Variants in RIMS2 observed in about 807,000 individuals in gnomAD.
RIMS2 encodes regulating synaptic membrane exocytosis protein 2.
A neutral mutation model predicts 174.4 loss-of-function variants in RIMS2; 59 were observed. The ratio of observed to expected loss-of-function variants is 0.34; its 90% confidence interval spans 0.27 to 0.42. The LOEUF is 0.42. Ranked by LOEUF, RIMS2 falls within the 10% of genes least tolerant of loss-of-function variation. The pLI is 1.00. For synonymous variants in RIMS2, 606 were observed against 572.5 expected, an observed-to-expected ratio of 1.06 and a Z score of -0.84; for missense variants, 1,620 against 1,666.3, an observed-to-expected ratio of 0.97 and a Z score of 0.48.
At chr8:104,139,621 A>G (rs1243344067) in intron 19 of RIMS2, among the ~76,000 whole-genome samples, 1 of 152,190 alleles carries the variant, frequency 6.6e-6, no homozygotes, top group Non-Finnish European at 1.5e-5. Context: ...ATGTCCTGCA[A>G]CTTTCCTGAA....
At chr8:104,219,227 T>C (rs1001767645) in intron 19 of RIMS2, among the ~76,000 whole-genome samples, 1 of 152,218 alleles carries the variant, frequency 6.6e-6, no homozygotes, top group African/African-American at 2.4e-5. Flanking sequence ...TACAGATGCA[T>C]TGTCGACATT....
At chr8:103,846,461 T>A (rs1333654675) in intron 3 of RIMS2, among the ~76,000 whole-genome samples, 1 of 152,118 alleles carries the variant, frequency 6.6e-6, no homozygotes, top group Non-Finnish European at 1.5e-5. Flanking sequence ...CTCAGTTTTT[T>A]CTCTTATCTA....
At chr8:103,518,730 T>A (rs538618841) in intron 1 of RIMS2, among the ~76,000 whole-genome samples, 3 of 152,074 alleles carry the variant, frequency 2.0e-5, no homozygotes, top group South Asian at 2.1e-4. Flanking sequence ...GGGCCTGTTA[T>A]GATATGTTAA....
At chr8:103,747,201 C>T (rs1317467253) in intron 2 of RIMS2, among the ~76,000 whole-genome samples, 1 of 150,990 alleles carries the variant, frequency 6.6e-6, no homozygotes, top group Non-Finnish European at 1.5e-5. Context: ...ACTAACTCGT[C>T]ATCTAGCATT....
At chr8:103,519,670 T>G (rs1830667884) in intron 1 of RIMS2, among the ~76,000 whole-genome samples, 1 of 152,066 alleles carries the variant, frequency 6.6e-6, no homozygotes, top group African/African-American at 2.4e-5. Context: ...TTTAGAATTC[T>G]TGATTTCTGG....
At chr8:104,063,475 T>A (rs1218901522) in intron 19 of RIMS2, among the ~76,000 whole-genome samples, 1 of 152,178 alleles carries the variant, frequency 6.6e-6, no homozygotes, top group Non-Finnish European at 1.5e-5. Flanking sequence ...AAGATTTTTT[T>A]AACCTGAGGT....
chr8:103,894,542 C>T (rs1050286241), intron 4 of RIMS2, among the ~76,000 whole-genome samples: 3 of 151,288 alleles, frequency 2.0e-5, no homozygotes, highest in South Asian at 2.1e-4. Flanking sequence ...GTTTATCAAT[C>T]GATATCAGTG....
chr8:103,902,159 T>TC (rs1010597143), intron 4 of RIMS2, among the ~76,000 whole-genome samples: 2 of 152,090 alleles, frequency 1.3e-5, no homozygotes, highest in African/African-American at 4.8e-5. Flanking sequence ...TGCCATCAGC[T>TC]CCCCCACATC....
At chr8:103,515,946 TTTAG>T (rs776507610) in intron 1 of RIMS2, among the ~76,000 whole-genome samples, 19 of 152,202 alleles carry the variant, frequency 1.2e-4, no homozygotes, top group Middle Eastern at 3.4e-3. Context: ...CAGTGAAAAC[TTTAG>T]TTAGTAATTT....
At chr8:104,036,293 G>C (rs1260112484) in intron 19 of RIMS2, among the ~76,000 whole-genome samples, 1 of 151,768 alleles carries the variant, frequency 6.6e-6, no homozygotes, top group Non-Finnish European at 1.5e-5. Context: ...TGGCACTACA[G>C]GTGCCGGCCA....
rs189514593 is a variant in RIMS2 at position 104,151,830 on chromosome 8, G to T, written c.3335-93086G>T. ...AATTATACAGATAAAACAGCAGTAG[G>T]CCAAGACAATGCCCTGTGGAAGATT... On this transcript the variant is annotated intron_variant, in intron 19 of 23. Transcript: ENST00000504942. 4.6e-5 allele frequency among the ~76,000 whole-genome samples: 7 copies of T among 152,212 alleles called. No individual in the cohort carries two copies. The East Asian group carries it at 1.4e-3, about 29-fold the overall frequency.
chr8:103,685,487 A>G (rs1010965664), intron 1 of RIMS2, among the ~76,000 whole-genome samples: 9 of 152,182 alleles, frequency 5.9e-5, no homozygotes, highest in African/African-American at 2.2e-4. Flanking sequence ...CCCACCTCCA[A>G]CATTGGAGAT....
At chr8:103,660,692 A>G (rs1012177749) in intron 1 of RIMS2, among the ~76,000 whole-genome samples, 1 of 152,236 alleles carries the variant, frequency 6.6e-6, no homozygotes, top group African/African-American at 2.4e-5. Flanking sequence ...TCTAACATAG[A>G]TAATCTTTAA....
intron 15 of RIMS2, among the ~76,000 whole-genome samples, chr8:103,964,685 T>G (rs1197735068): frequency 6.6e-6 from 1 of 152,208 alleles, no homozygotes; most frequent in Admixed American, 6.6e-5. Context: ...TTCAGGTTAT[T>G]AATCATTTCT....
At chr8:104,131,101 A>C (rs1361943729) in intron 19 of RIMS2, among the ~76,000 whole-genome samples, 1 of 152,176 alleles carries the variant, frequency 6.6e-6, no homozygotes, top group Non-Finnish European at 1.5e-5. Flanking sequence ...TACTATAAAC[A>C]TATCTTTCTC....
chr8:103,526,931 G>A (rs1834322998), intron 1 of RIMS2, among the ~76,000 whole-genome samples: 1 of 152,008 alleles, frequency 6.6e-6, no homozygotes, highest in Admixed American at 6.6e-5. Context: ...CTACGAAGGA[G>A]AAATAAAAGA....
intron 19 of RIMS2, among the ~76,000 whole-genome samples, chr8:104,166,525 T>C (rs993432907): frequency 1.2e-4 from 18 of 152,090 alleles, no homozygotes; most frequent in Non-Finnish European, 2.5e-4. Flanking sequence ...AGATAAATGA[T>C]CTAATTTGAC....
chr8:103,729,630 G>C (rs2097567841), intron 2 of RIMS2, among the ~76,000 whole-genome samples: 1 of 149,710 alleles, frequency 6.7e-6, no homozygotes, highest in African/African-American at 2.4e-5. Flanking sequence ...AGTTCTTTAA[G>C]ATGCACTGTT....
At chr8:103,600,792 G>A (rs1588665994) in intron 1 of RIMS2, among the ~76,000 whole-genome samples, 1 of 152,140 alleles carries the variant, frequency 6.6e-6, no homozygotes, top group Non-Finnish European at 1.5e-5. Context: ...CATAGTGGTT[G>A]TACTAATTTA....
Sources: gnomAD v4.1 joint callset for allele counts (sites outside exome capture counted in the v4.1 genomes callset) on GRCh38, gnomAD v4.1.1 for gene constraint, MANE v1.5 for transcripts, NCBI Gene and HGNC (gene_info 2026-07-23, HGNC 2026-07-21) for gene names.